ANK3: variants seen among roughly 807,000 people sequenced by gnomAD.
ANK3 encodes ankyrin-3.
Under a neutral mutation model 370.9 loss-of-function variants are expected in ANK3, and 57 were observed. The observed-to-expected ratio is 0.15, with a 90% CI of 0.12 to 0.19. The LOEUF is 0.19. ANK3 is among the 10% of genes least tolerant of loss of function. The pLI is 1.00. For missense variants in ANK3, 4,439 were observed against 5,302.1 expected (o/e 0.84, Z 5.06); for synonymous variants, 1,929 against 1,946.3 (o/e 0.99, Z 0.23).
intron 11 of ANK3, among the ~76,000 whole-genome samples, chr10:60,203,980 A>G (rs1334280042): frequency 1.3e-5 from 2 of 152,232 alleles, no homozygotes; most frequent in African/African-American, 2.4e-5. Context: ...ATAACTTGAT[A>G]AAACATTTTT....
At chr10:60,269,431 G>A (rs2097928634) in intron 5 of ANK3, among the ~76,000 whole-genome samples, 1 of 152,072 alleles carries the variant, frequency 6.6e-6, no homozygotes, top group Non-Finnish European at 1.5e-5. Context: ...GGATCACGCG[G>A]TCAGGAGTTC....
intron 2 of ANK3, among the ~76,000 whole-genome samples, chr10:60,442,004 C>A (rs1299914810): frequency 2.6e-5 from 4 of 152,064 alleles, no homozygotes; most frequent in African/African-American, 7.2e-5. Context: ...GGTTTCAGGA[C>A]CCCCTGCAGA....
intron 8 of ANK3, among the ~76,000 whole-genome samples, chr10:60,217,178 T>C (rs2096952932): frequency 1.3e-5 from 2 of 152,126 alleles, no homozygotes; most frequent in Non-Finnish European, 2.9e-5. Flanking sequence ...GTTTAGCTAG[T>C]GGTCTATCCA....
chr10:60,187,250 G>A (rs1460189363), intron 16 of ANK3, among the ~76,000 whole-genome samples: 1 of 151,788 alleles, frequency 6.6e-6, no homozygotes. Flanking sequence ...CCATCTCCCG[G>A]GTTCACGCCA....
chr10:60,367,392 T>A (rs2059532853), intron 1 of ANK3, among the ~76,000 whole-genome samples: 1 of 152,260 alleles, frequency 6.6e-6, no homozygotes, highest in Non-Finnish European at 1.5e-5. Flanking sequence ...ACTATCTTTA[T>A]AGGACTCTAT....
chr10:60,220,898 C>T (rs908989001), intron 8 of ANK3, among the ~76,000 whole-genome samples: 11 of 152,154 alleles, frequency 7.2e-5, no homozygotes, highest in Admixed American at 6.5e-5. Flanking sequence ...AAACTGTGCT[C>T]ACACAGAAAA....
rs150974014 is a variant in ANK3 at position 60,473,400 on chromosome 10, C to T, written c.96+141786G>A. On this transcript the variant is annotated intron_variant, in intron 2 of 43. Transcript: ENST00000373827. ...CTATTTCCTAATGCTTCAGAAACTT[C>T]CAGATGCCTAAGTATTCTTTGTCTT... 2.4e-3 allele frequency among the ~76,000 whole-genome samples: 360 copies of T among 152,282 alleles called. 1 individual carries two copies. Among genetic ancestry groups the T allele is most frequent in the African/African-American group, 8.3e-3 (346 of 41,570 alleles).
chr10:60,181,855 T>C, intron 17 of ANK3, among the ~76,000 whole-genome samples: 1 of 152,160 alleles, frequency 6.6e-6, no homozygotes, highest in Non-Finnish European at 1.5e-5. Context: ...TGTGGCAACA[T>C]GACTATCTGT....
chr10:60,265,904 G>T (rs113423132), intron 5 of ANK3, among the ~76,000 whole-genome samples: 1 of 152,052 alleles, frequency 6.6e-6, no homozygotes, highest in Admixed American at 6.6e-5. Flanking sequence ...GATTATGCAC[G>T]TACAGACTTC....
intron 1 of ANK3, among the ~76,000 whole-genome samples, chr10:60,647,787 C>A (rs539388193): frequency 6.6e-6 from 1 of 151,770 alleles, no homozygotes; most frequent in African/African-American, 2.4e-5. Flanking sequence ...CCCTTTTCAA[C>A]TGAAACCACA....
chr10:60,124,350 A>G (rs1429103700), intron 25 of ANK3, among the ~76,000 whole-genome samples: 1 of 149,176 alleles, frequency 6.7e-6, no homozygotes, highest in East Asian at 2.0e-4. Flanking sequence ...TTTTTTTTGT[A>G]TTTTTAGTAG....
chr10:60,686,653 T>C (rs1159760123), intron 1 of ANK3, among the ~76,000 whole-genome samples: 1 of 152,204 alleles, frequency 6.6e-6, no homozygotes, highest in Non-Finnish European at 1.5e-5. Flanking sequence ...TTTTACTTTT[T>C]ATTTTGGTGT....
At chr10:60,126,545 A>G (rs1273651124) in intron 25 of ANK3, among the ~76,000 whole-genome samples, 2 of 151,880 alleles carry the variant, frequency 1.3e-5, no homozygotes, top group Non-Finnish European at 2.9e-5. Context: ...AAAATTAGCG[A>G]GGTGTGGTGG....
chr10:60,675,564 A>G (rs12784166), intron 1 of ANK3, among the ~76,000 whole-genome samples: 3,722 of 152,352 alleles, frequency 0.024, 63 homozygotes, highest in Non-Finnish European at 0.035. Context: ...CTGATGATTC[A>G]TAAGTATTTT....
intron 1 of ANK3, among the ~76,000 whole-genome samples, chr10:60,669,604 C>G (rs1338437534): frequency 6.6e-6 from 1 of 152,140 alleles, no homozygotes; most frequent in African/African-American, 2.4e-5. Context: ...ATATCTTAGC[C>G]TCCTTCTCAG....
At chr10:60,688,621 T>C (rs1234646589) in intron 1 of ANK3, among the ~76,000 whole-genome samples, 6 of 152,194 alleles carry the variant, frequency 3.9e-5, no homozygotes, top group Non-Finnish European at 8.8e-5. Context: ...GCAAGAGGGA[T>C]TAAGTCACTT....
chr10:60,340,362 T>C (rs979937726), intron 1 of ANK3, among the ~76,000 whole-genome samples: 1 of 152,182 alleles, frequency 6.6e-6, no homozygotes, highest in African/African-American at 2.4e-5. Flanking sequence ...GCCTCCTAAG[T>C]AGCTGGGGCT....
At chr10:60,628,574 G>A (rs960319934) in intron 1 of ANK3, among the ~76,000 whole-genome samples, 13 of 152,102 alleles carry the variant, frequency 8.5e-5, no homozygotes, top group Admixed American at 7.9e-4. Flanking sequence ...CCAGCTTCAG[G>A]AAAGATTGTT....
chr10:60,664,978 C>T (rs1468038508), intron 1 of ANK3, among the ~76,000 whole-genome samples: 2 of 152,122 alleles, frequency 1.3e-5, no homozygotes, highest in East Asian at 1.9e-4. Flanking sequence ...TTTACAGGAT[C>T]GTGTTACAAA....
Sources: gnomAD v4.1 joint callset for allele counts (sites outside exome capture counted in the v4.1 genomes callset) on GRCh38, gnomAD v4.1.1 for gene constraint, MANE v1.5 for transcripts, NCBI Gene and HGNC (gene_info 2026-07-23, HGNC 2026-07-21) for gene names.